RNGTT: variants seen among roughly 807,000 people sequenced by gnomAD.
RNGTT encodes RNA guanylyltransferase and 5'-phosphatase.
In RNGTT, 33 loss-of-function variants were observed where a neutral mutation model predicts 79.3. That is an observed-to-expected ratio of 0.42 (90% CI 0.32 to 0.56). The LOEUF (loss-of-function observed/expected upper bound fraction) is 0.56. Among genes scored for constraint, RNGTT ranks in the 20% least tolerant of loss-of-function variants. The probability of loss-of-function intolerance (pLI) is 0.17; values close to 1 mark genes in which losing one functional copy is unlikely to be tolerated. For synonymous variants in RNGTT, 222 were observed against 235.9 expected (o/e 0.94, Z 0.54); for missense variants, 497 against 739.1 (o/e 0.67, Z 3.80).
chr6:88,843,912 A>T (rs2127900396), intron 11 of RNGTT, among the ~76,000 whole-genome samples: 1 of 149,118 alleles, frequency 6.7e-6, no homozygotes, highest in African/African-American at 2.4e-5. Flanking sequence ...AAAACCTTCA[A>T]TGTATGTGTG....
At chr6:88,755,882 C>T (rs1355848153) in intron 13 of RNGTT, among the ~76,000 whole-genome samples, 1 of 148,380 alleles carries the variant, frequency 6.7e-6, no homozygotes. Context: ...ACTGCTTGAA[C>T]CTGGGAGGCA....
At chr6:88,718,248 G>A (rs538559790) in intron 13 of RNGTT, among the ~76,000 whole-genome samples, 2 of 152,098 alleles carry the variant, frequency 1.3e-5, no homozygotes, top group Non-Finnish European at 2.9e-5. Flanking sequence ...TCAGCCGGGC[G>A]TAGTGGCACA....
At chr6:88,843,950 G>GTA (rs141786969) in intron 11 of RNGTT, among the ~76,000 whole-genome samples, 10,423 of 148,750 alleles carry the variant, frequency 0.07, 414 homozygotes, top group South Asian at 0.14. Context: ...ATATATATCT[G>GTA]TATATATATA....
chr6:88,769,795 AT>A lies in RNGTT; in HGVS notation c.1417del (p.Ile473Ter). The A allele has an allele frequency of 6.2e-7, 1 of 1,610,492 alleles. No homozygotes were observed. The highest frequency in any genetic ancestry group is 8.5e-7 in the Non-Finnish European group (1 of 1,177,278). On this transcript the variant is annotated frameshift_variant, in exon 13 of 16. Coordinates refer to ENST00000369485, the MANE Select transcript of RNGTT (RefSeq NM_003800.5). LOFTEE classifies it high-confidence loss of function. ...SLNSVDFRLK[I>X]TRMGGEGLLP... Reference sequence around the variant, plus strand: ...TTACCCTTCTCCTCCCATTCTTGTTATTTTTAGACGAAAATCCACAGAATTC... The same window carrying A: ...TTACCCTTCTCCTCCCATTCTTGTTATTTTAGACGAAAATCCACAGAATTC...
intron 14 of RNGTT, among the ~76,000 whole-genome samples, chr6:88,625,606 G>T (rs1225320856): frequency 6.6e-6 from 1 of 151,756 alleles, no homozygotes; most frequent in Non-Finnish European, 1.5e-5. Flanking sequence ...GTCATGTGGG[G>T]CTCTTTTTTA....
At chr6:88,809,822 G>A (rs781431059) in intron 11 of RNGTT, among the ~76,000 whole-genome samples, 59 of 152,248 alleles carry the variant, frequency 3.9e-4, no homozygotes, top group South Asian at 6.2e-4. Flanking sequence ...GCTGAGGTGG[G>A]AGGATCACTT....
At chr6:88,615,090 A>G (rs551122018) in intron 14 of RNGTT, among the ~76,000 whole-genome samples, 1 of 152,296 alleles carries the variant, frequency 6.6e-6, no homozygotes, top group African/African-American at 2.4e-5. Context: ...GTAACTACGA[A>G]CCTTTTAAAA....
intron 8 of RNGTT, among the ~76,000 whole-genome samples, chr6:88,877,061 A>G (rs910003607): frequency 1.3e-5 from 2 of 152,204 alleles, no homozygotes; most frequent in African/African-American, 4.8e-5. Context: ...ACTACTAACC[A>G]ATGGGTATTT....
At chr6:88,940,722 G>A (rs528760808) in intron 2 of RNGTT, among the ~76,000 whole-genome samples, 25 of 152,116 alleles carry the variant, frequency 1.6e-4, no homozygotes, top group African/African-American at 2.7e-4. Context: ...ATTCCTCTGT[G>A]GAGATGCAGC....
At chr6:88,962,039 A>C (rs1488425910) in intron 1 of RNGTT, among the ~76,000 whole-genome samples, 1 of 152,224 alleles carries the variant, frequency 6.6e-6, no homozygotes, top group Non-Finnish European at 1.5e-5. Context: ...CTGAGTGAAA[A>C]AAGCCACACA....
At chr6:88,737,448 T>C (rs1473164606) in intron 13 of RNGTT, among the ~76,000 whole-genome samples, 1 of 152,196 alleles carries the variant, frequency 6.6e-6, no homozygotes, top group African/African-American at 2.4e-5. Flanking sequence ...GTATTTTTCA[T>C]GTGAGAACGA....
At chr6:88,777,749 T>C (rs1460109568) in intron 12 of RNGTT, among the ~76,000 whole-genome samples, 1 of 152,200 alleles carries the variant, frequency 6.6e-6, no homozygotes, top group African/African-American at 2.4e-5. Flanking sequence ...ACAGAGATAA[T>C]TCTACTACTT....
At chr6:88,767,352 G>C (rs1244765787) in intron 13 of RNGTT, among the ~76,000 whole-genome samples, 1 of 151,872 alleles carries the variant, frequency 6.6e-6, no homozygotes, top group Non-Finnish European at 1.5e-5. Flanking sequence ...GCAAAACTAG[G>C]ATGACAAACT....
chr6:88,775,356 CT>C (rs1422053544), intron 12 of RNGTT, among the ~76,000 whole-genome samples: 1 of 152,108 alleles, frequency 6.6e-6, no homozygotes, highest in African/African-American at 2.4e-5. Context: ...GCCTACGTAA[CT>C]GCAAATTTGT....
At chr6:88,838,601 CAA>C (rs1385689144) in intron 11 of RNGTT, among the ~76,000 whole-genome samples, 1 of 151,896 alleles carries the variant, frequency 6.6e-6, no homozygotes, top group Non-Finnish European at 1.5e-5. Flanking sequence ...TGCTGAGAGA[CAA>C]TAAAGAAGAC....
chr6:88,768,766 G>C (rs1403133537), intron 13 of RNGTT, among the ~76,000 whole-genome samples: 1 of 152,026 alleles, frequency 6.6e-6, no homozygotes, highest in Non-Finnish European at 1.5e-5. Flanking sequence ...AAAAGTTATA[G>C]AACAAAAGTG....
At chr6:88,626,019 ATTAT>A (rs1772618798) in intron 14 of RNGTT, among the ~76,000 whole-genome samples, 1 of 152,004 alleles carries the variant, frequency 6.6e-6, no homozygotes, top group South Asian at 2.1e-4. Context: ...AGGGTTCTGC[ATTAT>A]TTATTTAATG....
chr6:88,751,716 A>T (rs1777846146), intron 13 of RNGTT, among the ~76,000 whole-genome samples: 1 of 152,108 alleles, frequency 6.6e-6, no homozygotes, highest in African/African-American at 2.4e-5. Context: ...TGTTTATATT[A>T]GGCAATGCTG....
chr6:88,846,546 G>A (rs1781489236), intron 10 of RNGTT, among the ~76,000 whole-genome samples: 1 of 152,028 alleles, frequency 6.6e-6, no homozygotes, highest in Non-Finnish European at 1.5e-5. Flanking sequence ...CCAGAAGTTC[G>A]TGACCAGCGT....
Sources: allele counts gnomAD v4.1 joint callset (sites outside exome capture counted in the v4.1 genomes callset), GRCh38; gene constraint gnomAD v4.1.1; transcripts MANE v1.5; gene names NCBI Gene and HGNC (gene_info 2026-07-23, HGNC 2026-07-21).